The following NAP1L4 variants were observed in gnomAD, a reference collection of about 807,000 sequenced individuals.
The protein encoded by NAP1L4 is nucleosome assembly protein 1 like 4, also known as nucleosome assembly protein 1-like 4.
In NAP1L4, 15 loss-of-function variants were observed where a neutral mutation model predicts 58.2. The observed-to-expected ratio is 0.26, with a 90% confidence interval of 0.17 to 0.40. NAP1L4 has a LOEUF of 0.40. NAP1L4 is among the 10% of genes least tolerant of loss of function. The pLI is 1.00. For synonymous variants in NAP1L4, 171 were observed against 155.6 expected (o/e 1.10, Z -0.74); for missense variants, 384 against 451.1 (o/e 0.85, Z 1.35).
intron 12 of NAP1L4, chr11:2,952,868 G>C (rs143019038): frequency 6.6e-6 from 1 of 152,420 alleles, no homozygotes; most frequent in African/African-American, 2.4e-5. Context: ...CACGTGCAGA[G>C]AAGACAAGAC....
intron 1 of NAP1L4, among the ~76,000 whole-genome samples, chr11:2,980,196 T>G (rs1848223945): frequency 6.6e-6 from 1 of 152,132 alleles, no homozygotes; most frequent in Non-Finnish European, 1.5e-5. Context: ...TAAAAAAAAG[T>G]TATCATTTTT....
At chr11:2,964,819 A>C (rs16928912) in intron 7 of NAP1L4, 68 bp from the exon 8 acceptor site, 1 of 1,178,816 alleles carries the variant, frequency 8.5e-7, no homozygotes, top group South Asian at 1.3e-5. Flanking sequence ...CCGAAGAGTC[A>C]TGGTTGCAGA....
At chr11:2,957,481 C>T (rs57048528) in intron 10 of NAP1L4, among the ~76,000 whole-genome samples, 8,812 of 152,228 alleles carry the variant, frequency 0.058, 863 homozygotes, top group African/African-American at 0.2. Context: ...AGAGATCCGC[C>T]CTGTGGCCCC....
rs2133895620 is a variant in NAP1L4 at position 2,949,093 on chromosome 11, CA to C, written c.*32+133del. 1.5e-6 allele frequency: 1 copy of C among 656,544 alleles called. No individual in the cohort carries two copies. The highest frequency in any genetic ancestry group is 2.7e-5 in the East Asian group (1 of 36,540). 40.7% of individuals were successfully genotyped at this position (656,544 alleles called of 1,614,324 possible). ...TGATTTTAAAAGTACATGTAACAGACACCTATGTCAAACCTGTGACACAGTG... is the reference window on the plus strand; with the variant it reads ...TGATTTTAAAAGTACATGTAACAGACCCTATGTCAAACCTGTGACACAGTG... On this transcript the variant is annotated intron_variant, in intron 15 of 15. Transcript: ENST00000380542. The surrounding 1 kb of genome is among the most constrained non-coding windows in gnomAD (Gnocchi z 4.0).
At chr11:2,991,022 T>C (rs191442293) in intron 1 of NAP1L4, 10 of 447,094 alleles carry the variant, frequency 2.2e-5, no homozygotes, top group Non-Finnish European at 4.1e-5. Context: ...CACGGGTTAC[T>C]ACAGGAAAAA....
chr11:2,983,619 A>G (rs1376304425), intron 1 of NAP1L4: 1 of 151,516 alleles, frequency 6.6e-6, no homozygotes, highest in Non-Finnish European at 1.5e-5. Context: ...TAAATCAAGG[A>G]TAGAAAAAAA....
Position 2,971,304 on chromosome 11 carries a change from A to C in NAP1L4, c.402+144T>G, listed in dbSNP as rs1295778614. On this transcript the variant is annotated intron_variant, in intron 6 of 15. Transcript: ENST00000380542. This position sits in a 1 kb window ranked among gnomAD's most constrained non-coding sequence, Gnocchi z 4.2. Reference sequence around the variant, plus strand: ...GTGTCAGATGCTAGATCCATATCAGAAAGGAATCTAAACCCAACCTAATGA... The same window carrying C: ...GTGTCAGATGCTAGATCCATATCAGCAAGGAATCTAAACCCAACCTAATGA... The C allele has an allele frequency of 3.1e-6, 2 of 648,766 alleles. No individual in the cohort carries two copies. The highest frequency in any genetic ancestry group is 5.5e-5 in the East Asian group (2 of 36,636). 40.2% of individuals were successfully genotyped at this position (648,766 alleles called of 1,614,324 possible).
chr11:2,978,349 CA>C lies in NAP1L4; in HGVS notation c.15-8del. 6.2e-7 allele frequency: 1 copy of C among 1,613,316 alleles called. No individual in the cohort carries two copies. The highest frequency in any genetic ancestry group is 8.5e-7 in the Non-Finnish European group (1 of 1,179,524). ...AGGAACCCCATCTGAAAAACTAAAA[CA>C]ACAGTATGTTTAAAAAGTATTACTG... On this transcript the variant is annotated splice_polypyrimidine_tract_variant and splice_region_variant and intron_variant, in intron 2 of 15. Coordinates refer to ENST00000380542, the MANE Select transcript of NAP1L4 (RefSeq NM_005969.4).
At chr11:2,960,117 A>G (rs1250185223) in intron 8 of NAP1L4, 1 of 534,014 alleles carries the variant, frequency 1.9e-6, no homozygotes. Flanking sequence ...TGTTCAGTTC[A>G]TGAGTAAGGG....
chr11:2,946,043 C>T lies in NAP1L4; in HGVS notation c.*33-397G>A, dbSNP rs1845924664. The stretch of plus-strand genomic sequence containing the variant: ...AGGAAGGCCACCGCGGAGGCAACCC[C>T]TCTTGGTGCCAACAGTCCCCACTTC... On this transcript the variant is annotated intron_variant, in intron 15 of 15. Coordinates refer to ENST00000380542, the MANE Select transcript of NAP1L4 (RefSeq NM_005969.4). This position sits in a 1 kb window ranked among gnomAD's most constrained non-coding sequence, Gnocchi z 4.8. Among the ~76,000 whole-genome samples, 1 of 152,194 alleles carries T rather than the reference C, an allele frequency of 6.6e-6. No individual in the cohort carries two copies.
intron 1 of NAP1L4, chr11:2,989,056 A>C (rs1255640228): frequency 6.6e-6 from 1 of 152,204 alleles, no homozygotes; most frequent in Non-Finnish European, 1.5e-5. Flanking sequence ...ACCTACTGAT[A>C]AGGGTTTTCC....
chr11:2,974,892 G>A (rs1353942032), intron 4 of NAP1L4, among the ~76,000 whole-genome samples: 2 of 152,174 alleles, frequency 1.3e-5, no homozygotes, highest in Non-Finnish European at 2.9e-5. Flanking sequence ...GCTGGGAGTG[G>A]TGGCGTGCAC....
intron 1 of NAP1L4, among the ~76,000 whole-genome samples, chr11:2,987,713 C>T (rs547267596): frequency 2.8e-5 from 4 of 145,128 alleles, no homozygotes; most frequent in African/African-American, 1.0e-4. Context: ...GCCGAGATCG[C>T]GCCACTGCAC....
At chr11:2,953,314 G>GT (rs1393973677) in intron 12 of NAP1L4, among the ~76,000 whole-genome samples, 1 of 152,252 alleles carries the variant, frequency 6.6e-6, no homozygotes, top group South Asian at 2.1e-4. Context: ...ACTGACGGGT[G>GT]TATGATCAAA....
At chr11:2,990,145 C>G (rs985769288) in intron 1 of NAP1L4, 1 of 117,594 alleles carries the variant, frequency 8.5e-6, no homozygotes, top group African/African-American at 3.8e-5. Context: ...GCCTATATGA[C>G]ATATAGGCAC....
At chr11:2,972,025 T>A (rs1047929731) in intron 5 of NAP1L4, 77 bp downstream of exon 5, 5 of 1,402,768 alleles carry the variant, frequency 3.6e-6, no homozygotes, top group Middle Eastern at 5.4e-4. Flanking sequence ...TGTTGTCAAC[T>A]TATAATGGGT....
chr11:2,976,401 G>A (rs1182407863), intron 3 of NAP1L4, among the ~76,000 whole-genome samples: 2 of 152,180 alleles, frequency 1.3e-5, no homozygotes, highest in Non-Finnish European at 2.9e-5. Context: ...GGCTGTTTAA[G>A]CACCAGACTT....
Position 2,969,953 on chromosome 11 carries a change from A to ATT in NAP1L4, c.403-20_403-19insAA. 1 of 1,601,346 alleles carries ATT rather than the reference A, an allele frequency of 6.2e-7. No individual in the cohort carries two copies. Among genetic ancestry groups the ATT allele is most frequent in the East Asian group, 2.2e-5 (1 of 44,722 alleles). ...TGTCTCCCTAAAAAAAAGATGCAACATAGGTAACGAAAATAAAAGTTTACA... is the reference window on the plus strand; with the variant it reads ...TGTCTCCCTAAAAAAAAGATGCAACATTTAGGTAACGAAAATAAAAGTTTACA... On this transcript the variant is annotated intron_variant, in intron 6 of 15. Coordinates refer to ENST00000380542, the MANE Select transcript of NAP1L4 (RefSeq NM_005969.4).
intron 4 of NAP1L4, among the ~76,000 whole-genome samples, chr11:2,974,800 T>C (rs369098847): frequency 9.2e-5 from 14 of 152,270 alleles, no homozygotes; most frequent in Middle Eastern, 3.4e-3. Context: ...CCATGGCACA[T>C]GTATACCTAT....
Sources: allele counts gnomAD v4.1 joint callset (sites outside exome capture counted in the v4.1 genomes callset), GRCh38; gene constraint gnomAD v4.1.1; non-coding constraint Gnocchi (gnomAD v3.1); transcripts MANE v1.5; gene names NCBI Gene and HGNC (gene_info 2026-07-23, HGNC 2026-07-21).